Variants in DHX37 observed in about 807,000 individuals in gnomAD.
DHX37 encodes the protein probable ATP-dependent RNA helicase DHX37.
DHX37 carries 52 observed loss-of-function variants against 134.3 expected under a neutral mutation model. The observed-to-expected ratio is 0.39, with a 90% CI of 0.31 to 0.49. The LOEUF is 0.49. Among genes scored for constraint, DHX37 ranks in the 20% least tolerant of loss-of-function variants. The pLI is 0.93. For synonymous variants in DHX37, 634 were observed against 670.7 expected, an observed-to-expected ratio of 0.95 and a Z score of 0.85; for missense variants, 1,344 against 1,580.8, an observed-to-expected ratio of 0.85 and a Z score of 2.54.
chr12:124,965,689 C>G lies in DHX37; in HGVS notation c.1714G>C (p.Gly572Arg), dbSNP rs1954370264. 6.2e-7 allele frequency: 1 copy of G among 1,612,642 alleles called. No homozygotes were observed. The highest frequency in any genetic ancestry group is 8.5e-7 in the Non-Finnish European group (1 of 1,179,240). Reference sequence around the variant, plus strand: ...ACACCTCCATCTTGCCCGCCATCCCCCAGGTCCAGATCGAGGTCGGAGTCC... The same window carrying G: ...ACACCTCCATCTTGCCCGCCATCCCGCAGGTCCAGATCGAGGTCGGAGTCC... ...ALDSDLDLDL[G>R]DGGQDGGEQP... The change falls in exon 13 of 27, where the codon GGG becomes CGG. Residue 572 changes from glycine (G) to arginine (R), a missense_variant. Gly to Arg is a moderately radical substitution (Grantham distance 125, BLOSUM62 -2). Around this residue, in one of 7 missense-constraint regions of DHX37, gnomAD observed 289 missense variants for 323.8 expected, o/e 0.89. Transcript: ENST00000308736.
chr12:124,984,457 C>T (rs983651161), intron 2 of DHX37, among the ~76,000 whole-genome samples: 2 of 151,976 alleles, frequency 1.3e-5, no homozygotes, highest in Non-Finnish European at 2.9e-5. Flanking sequence ...CACTTGAACC[C>T]GGGAGGTGGA....
chr12:124,966,207 T>G (rs1200970865), intron 12 of DHX37, among the ~76,000 whole-genome samples: 1 of 151,992 alleles, frequency 6.6e-6, no homozygotes, highest in Non-Finnish European at 1.5e-5. Context: ...TAGCTGGGAG[T>G]ACAGGTGCAC....
At chr12:124,967,745 C>T (rs768201849) in intron 10 of DHX37, among the ~76,000 whole-genome samples, 2 of 152,164 alleles carry the variant, frequency 1.3e-5, no homozygotes, top group Non-Finnish European at 2.9e-5. Context: ...ATGAAGAAAG[C>T]CAGCCTTGGG....
At position 124,956,584 on chromosome 12, in the gene DHX37, G is replaced by A. The variant is rs371421783; in HGVS notation, c.2453+107C>T. 5.8e-6 allele frequency: 8 copies of A among 1,373,772 alleles called. No homozygotes were observed. The East Asian group carries it at 7.9e-5, about 14-fold the overall frequency. The allele number at this position is 1,373,772 out of a possible 1,614,324, so 85.1% of individuals were successfully genotyped here. ...GCTCACTGCAACCTCTACCTCCTGGGTTCAAATGATTCTTCTACCTCAGCC... is the reference window on the plus strand; with the variant it reads ...GCTCACTGCAACCTCTACCTCCTGGATTCAAATGATTCTTCTACCTCAGCC... On this transcript the variant is annotated intron_variant, in intron 18 of 26. Coordinates refer to ENST00000308736, the MANE Select transcript of DHX37 (RefSeq NM_032656.4).
At position 124,986,241 on chromosome 12, in the gene DHX37, T is replaced by C. The variant is rs755260636; in HGVS notation, c.131A>G (p.Asp44Gly). The C allele has an allele frequency of 6.2e-7, 1 of 1,614,026 alleles. No homozygotes were observed. Among genetic ancestry groups the C allele is most frequent in the South Asian group, 1.1e-5 (1 of 91,078 alleles). Residue 44 changes from aspartate to glycine, a missense_variant, in exon 2 of 27, where the codon GAT (aspartate) becomes GGT (glycine). Coordinates refer to ENST00000308736, the MANE Select transcript of DHX37 (RefSeq NM_032656.4). ...CGGTAGAACGAGCGCGTTGCTTGCATCAACTCCCTTCAACGTGTCCTTGTC... is the reference window on the plus strand; with the variant it reads ...CGGTAGAACGAGCGCGTTGCTTGCACCAACTCCCTTCAACGTGTCCTTGTC... Reference protein sequence around the residue: ...LEDKDTLKGVDASNALVLPGK... With the variant: ...LEDKDTLKGVGASNALVLPGK...
intron 2 of DHX37, 74 bp downstream of exon 2, chr12:124,986,022 T>C: frequency 6.4e-7 from 1 of 1,571,902 alleles, no homozygotes; most frequent in Non-Finnish European, 8.6e-7. Context: ...AGAGACACCC[T>C]CAGGAGGAGA....
intron 3 of DHX37, among the ~76,000 whole-genome samples, chr12:124,981,634 C>T (rs1954763022): frequency 6.6e-6 from 1 of 151,922 alleles, no homozygotes; most frequent in South Asian, 2.1e-4. Context: ...AGGGTTTCAC[C>T]ATGTTGGCCA....
chr12:124,971,545 C>T, intron 7 of DHX37, 130 bp from the exon 8 acceptor site: 1 of 1,437,160 alleles, frequency 7.0e-7, no homozygotes, highest in Non-Finnish European at 9.4e-7. Flanking sequence ...AGGTGAGCTG[C>T]TCAACTCAGA....
At chr12:124,956,229 C>T (rs1303332671) in intron 18 of DHX37, among the ~76,000 whole-genome samples, 3 of 152,136 alleles carry the variant, frequency 2.0e-5, no homozygotes, top group East Asian at 1.9e-4. Flanking sequence ...GCGTGAAAGG[C>T]GGTTTCAGGA....
intron 15 of DHX37, among the ~76,000 whole-genome samples, chr12:124,960,634 T>A (rs1478540802): frequency 6.6e-6 from 1 of 152,122 alleles, no homozygotes; most frequent in Non-Finnish European, 1.5e-5. Flanking sequence ...AGCTGCCTCG[T>A]AAGGAATTGG....
chr12:124,981,395 C>T (rs546267615), intron 3 of DHX37, among the ~76,000 whole-genome samples: 14 of 152,274 alleles, frequency 9.2e-5, no homozygotes, highest in South Asian at 2.1e-4. Flanking sequence ...TAAGGGTCAG[C>T]AGCTTGGTGG....
chr12:124,950,093 G>C (rs1397505178), intron 24 of DHX37, 34 bp from the exon 25 acceptor site: 12 of 1,613,882 alleles, frequency 7.4e-6, no homozygotes, highest in Non-Finnish European at 1.0e-5. Context: ...GTGAGGCCCG[G>C]GCTGCTGCTG....
intron 8 of DHX37, among the ~76,000 whole-genome samples, chr12:124,969,881 G>A (rs766794771): frequency 3.2e-4 from 49 of 151,462 alleles, no homozygotes; most frequent in Non-Finnish European, 4.4e-4. Flanking sequence ...TGATTGCACC[G>A]CTGCACTCCA....
At position 124,947,127 on chromosome 12, in the gene DHX37, C is replaced by G. The variant is rs1212025097; in HGVS notation, c.*675G>C. The G allele has an allele frequency of 6.6e-6, 1 of 152,324 alleles. No homozygotes were observed. The allele number at this position is 152,324 out of a possible 1,614,324, so 9.4% of individuals were successfully genotyped here. A position where few individuals can be genotyped will look rare whatever the true frequency, so the allele number is the denominator to read the frequency against. The stretch of plus-strand genomic sequence containing the variant: ...CAACATAATAGTCGTGTGGCCCCAG[C>G]CCAGCTAGGCGCATCCTCTGCGGCA... On this transcript the variant is annotated 3_prime_UTR_variant, in exon 27 of 27. Coordinates refer to ENST00000308736, the MANE Select transcript of DHX37 (RefSeq NM_032656.4).
intron 15 of DHX37, among the ~76,000 whole-genome samples, chr12:124,963,006 C>A (rs1052556942): frequency 2.0e-5 from 3 of 152,206 alleles, no homozygotes; most frequent in African/African-American, 7.2e-5. Flanking sequence ...TTAGGTTCCA[C>A]TGCAAGAGCA....
rs1391048300 is a variant in DHX37 at position 124,975,272 on chromosome 12, C to T, written c.980+147G>A. ...GGGCAGGTCCTGGAAAGTTCTCTCA[C>T]ACAATGATTCCCAGTGCTACATGCA... On this transcript the variant is annotated intron_variant, in intron 6 of 26. Transcript: ENST00000308736. 9 of 812,858 alleles carry T rather than the reference C, an allele frequency of 1.1e-5. No homozygotes were observed. The African/African-American group carries it at 1.2e-4, about 11-fold the overall frequency. 50.4% of individuals were successfully genotyped at this position (812,858 alleles called of 1,614,324 possible).
intron 2 of DHX37, among the ~76,000 whole-genome samples, chr12:124,983,351 C>A (rs905321810): frequency 3.0e-4 from 46 of 151,492 alleles, no homozygotes; most frequent in African/African-American, 1.0e-3. Flanking sequence ...CCCGCCTCGG[C>A]CTCCCAAAGT....
intron 15 of DHX37, among the ~76,000 whole-genome samples, chr12:124,962,739 A>T (rs186914706): frequency 1.3e-5 from 2 of 152,292 alleles, no homozygotes; most frequent in Non-Finnish European, 2.9e-5. Context: ...CGGGAGGCTG[A>T]GGCAGGAGAA....
At chr12:124,969,628 G>A (rs1331800553) in intron 8 of DHX37, among the ~76,000 whole-genome samples, 2 of 152,046 alleles carry the variant, frequency 1.3e-5, no homozygotes, top group Admixed American at 1.3e-4. Flanking sequence ...AGGCCACAGT[G>A]AGGTGTCACT....
Sources: allele counts gnomAD v4.1 joint callset (sites outside exome capture counted in the v4.1 genomes callset), GRCh38; gene constraint gnomAD v4.1.1; regional missense constraint gnomAD v4.1.1; transcripts MANE v1.5; gene names NCBI Gene and HGNC (gene_info 2026-07-23, HGNC 2026-07-21).